Variants in ADAMTS20 observed in about 807,000 individuals in gnomAD.
The protein encoded by ADAMTS20 is A disintegrin and metalloproteinase with thrombospondin motifs 20.
A neutral mutation model predicts 260.1 loss-of-function variants in ADAMTS20; 225 were observed. The ratio of observed to expected loss-of-function variants is 0.87; its 90% CI spans 0.78 to 0.97. ADAMTS20 has a LOEUF of 0.97. Among genes scored for constraint, ADAMTS20 ranks in the 50% least tolerant of loss-of-function variants. The probability of loss-of-function intolerance (pLI) is 0.00; values close to 1 mark genes in which losing one functional copy is unlikely to be tolerated. For synonymous variants in ADAMTS20, 802 were observed against 769.5 expected, an observed-to-expected ratio of 1.04 and a Z score of -0.70; for missense variants, 2,400 against 2,337.7, an observed-to-expected ratio of 1.03 and a Z score of -0.55.
intron 28 of ADAMTS20, among the ~76,000 whole-genome samples, chr12:43,402,873 G>T (rs981252477): frequency 7.4e-5 from 11 of 149,564 alleles, no homozygotes; most frequent in Non-Finnish European, 1.5e-4. Context: ...CTGTTACTGA[G>T]ATTTTTTTTT....
intron 9 of ADAMTS20, 52 bp from the exon 10 acceptor site, chr12:43,464,784 AG>A: frequency 6.6e-7 from 1 of 1,526,604 alleles, no homozygotes; most frequent in Non-Finnish European, 8.9e-7. Flanking sequence ...GATGCATTCC[AG>A]TATGATTCTT....
At chr12:43,444,620 A>G (rs1450545091) in intron 15 of ADAMTS20, among the ~76,000 whole-genome samples, 1 of 152,206 alleles carries the variant, frequency 6.6e-6, no homozygotes, top group Non-Finnish European at 1.5e-5. Flanking sequence ...AAACATTTTC[A>G]TGAAAACTAA....
intron 28 of ADAMTS20, among the ~76,000 whole-genome samples, chr12:43,411,271 G>C (rs1941025802): frequency 6.6e-6 from 1 of 152,074 alleles, no homozygotes; most frequent in Non-Finnish European, 1.5e-5. Context: ...TATGACATCA[G>C]GTGTCTAAAT....
At chr12:43,539,183 C>T (rs1282434585) in intron 2 of ADAMTS20, among the ~76,000 whole-genome samples, 2 of 152,012 alleles carry the variant, frequency 1.3e-5, no homozygotes, top group African/African-American at 4.8e-5. Flanking sequence ...GAACTCCTGA[C>T]CTCGTGATCC....
At chr12:43,419,192 CAT>C (rs1208993321) in intron 28 of ADAMTS20, among the ~76,000 whole-genome samples, 3 of 152,004 alleles carry the variant, frequency 2.0e-5, no homozygotes, top group Non-Finnish European at 4.4e-5. Flanking sequence ...ATCACATAAT[CAT>C]ATGTTAGTTT....
At chr12:43,454,396 A>G (rs1387248695) in intron 11 of ADAMTS20, among the ~76,000 whole-genome samples, 1 of 151,976 alleles carries the variant, frequency 6.6e-6, no homozygotes, top group East Asian at 1.9e-4. Context: ...CCATTTTTTT[A>G]CTCAAAGTAT....
At chr12:43,532,245 G>A (rs1233147672) in intron 2 of ADAMTS20, 50 bp from the exon 3 acceptor site, 1 of 1,510,028 alleles carries the variant, frequency 6.6e-7, no homozygotes, top group South Asian at 1.2e-5. Flanking sequence ...TCGCCAAGAA[G>A]AAAAAACACA....
At chr12:43,540,787 G>A (rs1469644662) in intron 2 of ADAMTS20, among the ~76,000 whole-genome samples, 1 of 152,078 alleles carries the variant, frequency 6.6e-6, no homozygotes, top group Non-Finnish European at 1.5e-5. Flanking sequence ...ATTAAAAACA[G>A]CAAAACTAGT....
At chr12:43,518,120 TC>T (rs903796819) in intron 3 of ADAMTS20, among the ~76,000 whole-genome samples, 16 of 151,874 alleles carry the variant, frequency 1.1e-4, no homozygotes, top group African/African-American at 2.7e-4. Flanking sequence ...TCACCTTTTT[TC>T]TTAATGAAGA....
chr12:43,506,725 G>A (rs1266934130), intron 3 of ADAMTS20, among the ~76,000 whole-genome samples: 10 of 151,060 alleles, frequency 6.6e-5, no homozygotes, highest in Admixed American at 2.0e-4. Flanking sequence ...TGATCTGCCC[G>A]CCTCAGCCTC....
chr12:43,375,114 G>T (rs1008847902), intron 36 of ADAMTS20, among the ~76,000 whole-genome samples: 2 of 128,912 alleles, frequency 1.6e-5, no homozygotes, highest in Non-Finnish European at 3.1e-5. Context: ...GGAGGTTGCA[G>T]TAAGCCAAGA....
chr12:43,364,893 A>G (rs547736064), intron 37 of ADAMTS20, among the ~76,000 whole-genome samples: 1 of 152,262 alleles, frequency 6.6e-6, no homozygotes, highest in South Asian at 2.1e-4. Flanking sequence ...AAACTTATTA[A>G]TTTACCCATC....
intron 2 of ADAMTS20, among the ~76,000 whole-genome samples, chr12:43,540,743 C>A (rs574698314): frequency 6.6e-6 from 1 of 152,196 alleles, no homozygotes; most frequent in Admixed American, 6.5e-5. Context: ...ATGATAAATG[C>A]CAATCAAATT....
chr12:43,396,605 A>T (rs963658179), intron 29 of ADAMTS20, among the ~76,000 whole-genome samples: 5 of 152,198 alleles, frequency 3.3e-5, no homozygotes, highest in Non-Finnish European at 7.3e-5. Flanking sequence ...TTTCTATGAC[A>T]AGGAAAACTA....
chr12:43,482,560 C>G (rs762067949), intron 7 of ADAMTS20, among the ~76,000 whole-genome samples: 1 of 152,144 alleles, frequency 6.6e-6, no homozygotes, highest in South Asian at 2.1e-4. Context: ...TGCTCCTCCC[C>G]GGAACATTAC....
chr12:43,364,580 A>T (rs1323170966), intron 37 of ADAMTS20, among the ~76,000 whole-genome samples: 1 of 152,200 alleles, frequency 6.6e-6, no homozygotes, highest in Non-Finnish European at 1.5e-5. Flanking sequence ...TACAATAATC[A>T]AGATTAAAAA....
intron 16 of ADAMTS20, among the ~76,000 whole-genome samples, chr12:43,443,293 A>G (rs1341824795): frequency 6.6e-6 from 1 of 152,252 alleles, no homozygotes; most frequent in Admixed American, 6.5e-5. Context: ...GAAATAGCTA[A>G]CAGACAATAT....
intron 2 of ADAMTS20, among the ~76,000 whole-genome samples, chr12:43,538,953 C>CTTTTTTT (rs36106874): frequency 1.8e-4 from 21 of 117,530 alleles, no homozygotes; most frequent in African/African-American, 3.9e-4. Flanking sequence ...TATGAACATT[C>CTTTTTTT]TTTTTTTTTT....
intron 11 of ADAMTS20, among the ~76,000 whole-genome samples, chr12:43,458,928 C>A (rs1207799011): frequency 6.6e-6 from 1 of 152,122 alleles, no homozygotes; most frequent in East Asian, 1.9e-4. Flanking sequence ...GTAAAGAGAG[C>A]TCACTAAAAT....
Sources: allele counts gnomAD v4.1 joint callset (sites outside exome capture counted in the v4.1 genomes callset), GRCh38; gene constraint gnomAD v4.1.1; transcripts MANE v1.5; gene names NCBI Gene and HGNC (gene_info 2026-07-23, HGNC 2026-07-21).